The following NCK2 variants were observed in gnomAD, a reference collection of about 807,000 sequenced individuals.
NCK2 encodes cytoplasmic protein NCK2.
In NCK2, 16 loss-of-function variants were observed where a neutral mutation model predicts 33.9. The observed-to-expected ratio is 0.47, with a 90% CI of 0.32 to 0.72. NCK2 has a LOEUF of 0.72. NCK2 is among the 30% of genes least tolerant of loss of function. NCK2 has a pLI of 0.03. For missense variants in NCK2, 418 were observed against 537.3 expected, an observed-to-expected ratio of 0.78 and a Z score of 2.19; for synonymous variants, 273 against 239.9, an observed-to-expected ratio of 1.14 and a Z score of -1.27.
At chr2:105,796,872 G>C (rs1028059182) in intron 1 of NCK2, among the ~76,000 whole-genome samples, 16 of 152,114 alleles carry the variant, frequency 1.1e-4, no homozygotes, top group African/African-American at 3.9e-4. Flanking sequence ...CAGTTCACAG[G>C]TTAGTCTGCC....
At chr2:105,886,552 A>G (rs1281009478) in intron 4 of NCK2, among the ~76,000 whole-genome samples, 1 of 152,232 alleles carries the variant, frequency 6.6e-6, no homozygotes, top group African/African-American at 2.4e-5. Context: ...GAACTCCTGA[A>G]TAATTCTGAT....
intron 2 of NCK2, among the ~76,000 whole-genome samples, chr2:105,835,912 CTT>C (rs1291363543): frequency 6.6e-6 from 1 of 151,382 alleles, no homozygotes; most frequent in African/African-American, 2.4e-5. Flanking sequence ...GATCTAGTCT[CTT>C]TTTGAGGCTC....
intron 1 of NCK2, among the ~76,000 whole-genome samples, chr2:105,810,849 G>A (rs1675267801): frequency 1.3e-5 from 2 of 152,156 alleles, no homozygotes; most frequent in African/African-American, 4.8e-5. Flanking sequence ...TTTTTAGGCA[G>A]CAGACTGTAA....
At chr2:105,835,405 A>ATATATATATATATG (rs70953537) in intron 2 of NCK2, among the ~76,000 whole-genome samples, 4 of 37,968 alleles carry the variant, frequency 1.1e-4, no homozygotes, top group Admixed American at 2.7e-4. Flanking sequence ...ATATATATAT[A>ATATATATATATATG]CGTGTATATA....
intron 1 of NCK2, among the ~76,000 whole-genome samples, chr2:105,759,993 C>T (rs1689716820): frequency 6.6e-6 from 1 of 152,118 alleles, no homozygotes. Context: ...TCACCTGGCC[C>T]AGGTAGTGTT....
intron 4 of NCK2, among the ~76,000 whole-genome samples, chr2:105,885,372 C>CT (rs1484401683): frequency 6.6e-6 from 1 of 152,038 alleles, no homozygotes. Context: ...TTTCATTTCT[C>CT]TTTTTTAAAA....
intron 1 of NCK2, among the ~76,000 whole-genome samples, chr2:105,806,707 A>AG (rs1675057765): frequency 7.0e-6 from 1 of 142,990 alleles, no homozygotes; most frequent in Admixed American, 6.9e-5. Flanking sequence ...CTACTTAATG[A>AG]GGGAAAAAAA....
chr2:105,819,804 A>G (rs1675653296), intron 2 of NCK2, among the ~76,000 whole-genome samples: 1 of 152,264 alleles, frequency 6.6e-6, no homozygotes. Flanking sequence ...TGTGGTTTAG[A>G]AAAATGTTCA....
chr2:105,777,853 G>A (rs975013076), intron 1 of NCK2, among the ~76,000 whole-genome samples: 3 of 152,198 alleles, frequency 2.0e-5, no homozygotes, highest in East Asian at 1.9e-4. Flanking sequence ...TTCTGTGCTC[G>A]TATTGAAGAG....
chr2:105,780,333 C>T (rs765048560), intron 1 of NCK2, among the ~76,000 whole-genome samples: 3,433 of 94,028 alleles, frequency 0.037, 71 homozygotes, highest in African/African-American at 0.14. Context: ...TATACACACA[C>T]ACACACACAC....
rs144786614 is a variant in NCK2 at position 105,873,569 on chromosome 2, T to A, written c.227-7759T>A. Among the ~76,000 whole-genome samples, 442 of 152,254 alleles carry A rather than the reference T, an allele frequency of 2.9e-3. 1 individual carries two copies. The highest frequency in any genetic ancestry group is 9.6e-3 in the African/African-American group (397 of 41,548). On this transcript the variant is annotated intron_variant, in intron 3 of 4. Coordinates refer to ENST00000233154, the MANE Select transcript of NCK2 (RefSeq NM_003581.5). Reference sequence around the variant, plus strand: ...CTGTGTTCTTTTCAGCTCACCCATATTTACCACGTTTTCAGATGGGAATCA... The same window carrying A: ...CTGTGTTCTTTTCAGCTCACCCATAATTACCACGTTTTCAGATGGGAATCA...
intron 1 of NCK2, among the ~76,000 whole-genome samples, chr2:105,801,648 C>T (rs1050793117): frequency 7.9e-5 from 12 of 151,894 alleles, no homozygotes; most frequent in African/African-American, 2.2e-4. Context: ...TTCTTACCTA[C>T]CCTGTGAGAG....
At chr2:105,834,262 T>C (rs1676306702) in intron 2 of NCK2, among the ~76,000 whole-genome samples, 1 of 152,122 alleles carries the variant, frequency 6.6e-6, no homozygotes, top group African/African-American at 2.4e-5. Flanking sequence ...TGTTGTTCTA[T>C]TGGGGTCTAT....
At chr2:105,854,950 G>C in intron 2 of NCK2, 98 bp from the exon 3 acceptor site, 1 of 818,386 alleles carries the variant, frequency 1.2e-6, no homozygotes, top group South Asian at 1.7e-5. Flanking sequence ...TTGCAGAGTT[G>C]TAATAAAAGC....
At chr2:105,800,740 G>A (rs1314513885) in intron 1 of NCK2, among the ~76,000 whole-genome samples, 2 of 152,148 alleles carry the variant, frequency 1.3e-5, no homozygotes, top group East Asian at 3.9e-4. Flanking sequence ...TGTCATGAAC[G>A]TCTGTGTTTT....
chr2:105,827,682 C>T (rs540537654), intron 2 of NCK2, among the ~76,000 whole-genome samples: 4 of 152,288 alleles, frequency 2.6e-5, no homozygotes, highest in Admixed American at 1.3e-4. Flanking sequence ...AGAATTTCTT[C>T]TTTTTGCTTT....
intron 4 of NCK2, among the ~76,000 whole-genome samples, chr2:105,886,579 C>A (rs1003685504): frequency 6.6e-6 from 1 of 152,160 alleles, no homozygotes; most frequent in Non-Finnish European, 1.5e-5. Context: ...ATTTGAGAAC[C>A]ACTACGTTGT....
At chr2:105,791,248 C>A (rs1351971118) in intron 1 of NCK2, among the ~76,000 whole-genome samples, 1 of 152,182 alleles carries the variant, frequency 6.6e-6, no homozygotes. Context: ...AATGTTGATT[C>A]ATCTAGAGAA....
intron 2 of NCK2, among the ~76,000 whole-genome samples, chr2:105,817,938 C>T (rs34530540): frequency 0.28 from 43,087 of 151,758 alleles, 6,921 homozygotes; most frequent in South Asian, 0.39. Flanking sequence ...GGTATATACC[C>T]AAAGGAATAT....
Sources: allele counts gnomAD v4.1 joint callset (sites outside exome capture counted in the v4.1 genomes callset), GRCh38; gene constraint gnomAD v4.1.1; transcripts MANE v1.5; gene names NCBI Gene and HGNC (gene_info 2026-07-23, HGNC 2026-07-21).